Variants in MYBPC1 observed in about 807,000 individuals in gnomAD.
The protein encoded by MYBPC1 is myosin binding protein C1.
A neutral mutation model predicts 147.1 loss-of-function variants in MYBPC1; 52 were observed. The ratio of observed to expected loss-of-function variants is 0.35; its 90% CI spans 0.28 to 0.45. The LOEUF is 0.45. Ranked by LOEUF, MYBPC1 falls within the 20% of genes least tolerant of loss-of-function variation. MYBPC1 has a pLI of 1.00. For missense variants in MYBPC1, 1,228 were observed against 1,440.3 expected (o/e 0.85, Z 2.39); for synonymous variants, 477 against 475.9 (o/e 1.00, Z -0.03).
chr12:101,653,276 A>G (rs756922088), intron 18 of MYBPC1, 28 bp downstream of exon 18: 6 of 1,611,896 alleles, frequency 3.7e-6, no homozygotes, highest in Non-Finnish European at 5.1e-6. Flanking sequence ...ACACACTCAC[A>G]TGCACACACA....
intron 25 of MYBPC1, among the ~76,000 whole-genome samples, chr12:101,674,054 A>C (rs1226192155): frequency 6.6e-6 from 1 of 152,144 alleles, no homozygotes; most frequent in Non-Finnish European, 1.5e-5. Context: ...CTCTGTCTCC[A>C]AAAAAAGGAC....
intron 1 of MYBPC1, among the ~76,000 whole-genome samples, chr12:101,596,801 A>G (rs920980830): frequency 1.4e-4 from 21 of 152,176 alleles, no homozygotes; most frequent in African/African-American, 4.8e-4. Flanking sequence ...CTTTCTGAAT[A>G]AAACAGCATG....
In MYBPC1 at chr12:101,675,438, T is replaced by A. The variant is rs1899737472; in HGVS notation, c.2949+7T>A. 6.2e-7 allele frequency: 1 copy of A among 1,613,908 alleles called. No homozygotes were observed. Among genetic ancestry groups the A allele is most frequent in the South Asian group, 1.1e-5 (1 of 91,084 alleles). ...GGCTGACAAGAAGAGCATGGTAAGG[T>A]CTGGCTTTCTCTGGTTCATCAGTAG... On this transcript the variant is annotated splice_region_variant and intron_variant, in intron 26 of 31. Coordinates refer to ENST00000361466, the MANE Select transcript of MYBPC1 (RefSeq NM_002465.4).
chr12:101,677,436 A>G (rs1279743445), intron 27 of MYBPC1, 42 bp downstream of exon 27: 3 of 1,610,350 alleles, frequency 1.9e-6, no homozygotes, highest in Non-Finnish European at 2.5e-6. Flanking sequence ...CTTGGTTGAC[A>G]GTGACCAGAC....
intron 23 of MYBPC1, among the ~76,000 whole-genome samples, chr12:101,668,894 C>T (rs890845579): frequency 1.3e-5 from 2 of 152,054 alleles, no homozygotes; most frequent in African/African-American, 4.8e-5. Flanking sequence ...TGAGACCAGC[C>T]TGGGGAACAT....
At chr12:101,636,770 T>C in intron 10 of MYBPC1, 42 bp downstream of exon 10, 1 of 1,528,702 alleles carries the variant, frequency 6.5e-7, no homozygotes, top group African/African-American at 1.4e-5. Context: ...GGCCTGGAAG[T>C]CTTTCAGACA....
chr12:101,635,170 C>T (rs1296415709), intron 9 of MYBPC1, among the ~76,000 whole-genome samples: 1 of 152,086 alleles, frequency 6.6e-6, no homozygotes, highest in South Asian at 2.1e-4. Context: ...TTTGCAATTA[C>T]CAAGGCTGAA....
chr12:101,667,650 T>G, intron 22 of MYBPC1, 82 bp from the exon 23 acceptor site: 2 of 1,493,924 alleles, frequency 1.3e-6, no homozygotes, highest in South Asian at 2.3e-5. Context: ...AATACTAATT[T>G]GGAGTTGACT....
chr12:101,609,657 T>G (rs148507587), intron 1 of MYBPC1, among the ~76,000 whole-genome samples: 8 of 152,302 alleles, frequency 5.3e-5, no homozygotes, highest in Non-Finnish European at 8.8e-5. Context: ...TACTGCAGTT[T>G]GAGAAGTTCT....
At chr12:101,669,954 AAC>A in intron 23 of MYBPC1, 4 of 344,740 alleles carry the variant, frequency 1.2e-5, no homozygotes, top group South Asian at 2.4e-5. Context: ...AAAAAAAAGA[AAC>A]TATGAAAAGT....
At chr12:101,640,325 C>T (rs1891785790) in intron 10 of MYBPC1, among the ~76,000 whole-genome samples, 1 of 152,048 alleles carries the variant, frequency 6.6e-6, no homozygotes, top group Non-Finnish European at 1.5e-5. Context: ...ACATATACAT[C>T]ATAATTGTGA....
intron 1 of MYBPC1, among the ~76,000 whole-genome samples, chr12:101,605,369 T>A (rs561680560): frequency 1.3e-4 from 20 of 152,218 alleles, no homozygotes; most frequent in Non-Finnish European, 2.2e-4. Context: ...ATGCACAAAA[T>A]CTTTTTCCAA....
downstream of MYBPC1, among the ~76,000 whole-genome samples, chr12:101,690,622 A>G (rs1951398948): frequency 6.6e-6 from 1 of 152,260 alleles, no homozygotes; most frequent in East Asian, 1.9e-4. Flanking sequence ...ATTAAAGGGT[A>G]TAAACAAGAC....
intron 22 of MYBPC1, chr12:101,664,381 T>C (rs1897085962): frequency 6.6e-6 from 1 of 152,202 alleles, no homozygotes; most frequent in Non-Finnish European, 1.5e-5. Flanking sequence ...TTCTAGATGC[T>C]GGTAGGTAAA....
At chr12:101,602,465 C>T (rs762572886) in intron 1 of MYBPC1, among the ~76,000 whole-genome samples, 2 of 152,208 alleles carry the variant, frequency 1.3e-5, no homozygotes, top group African/African-American at 2.4e-5. Flanking sequence ...GATCCACCTG[C>T]CTCGGCCTCC....
At position 101,648,626 on chromosome 12, in the gene MYBPC1, AT is replaced by A. The variant is rs1893733296; in HGVS notation, c.1196+481del. On this transcript the variant is annotated intron_variant, in intron 14 of 31. Coordinates refer to ENST00000361466, the MANE Select transcript of MYBPC1 (RefSeq NM_002465.4). The stretch of plus-strand genomic sequence containing the variant: ...TTCTATTTGATTTCTATTTGCAATG[AT>A]TTTTAAGTACATATTTACATGTGTT... Among the ~76,000 whole-genome samples the A allele has an allele frequency of 2.6e-5, 4 of 152,292 alleles. No homozygotes were observed. The South Asian group carries it at 8.3e-4, about 32-fold the overall frequency.
intron 25 of MYBPC1, 132 bp from the exon 26 acceptor site, chr12:101,675,160 C>T (rs1270962631): frequency 8.0e-7 from 1 of 1,249,582 alleles, no homozygotes; most frequent in Non-Finnish European, 1.1e-6. Context: ...TCTCAGAAGC[C>T]CCCATGGTAG....
chr12:101,661,102 T>C (rs1278926351), intron 19 of MYBPC1, 56 bp from the exon 20 acceptor site: 1 of 1,167,952 alleles, frequency 8.6e-7, no homozygotes, highest in Non-Finnish European at 1.3e-6. Flanking sequence ...CTATTAACTT[T>C]TTTTTTCTAC....
rs151310085 is a variant in MYBPC1, at chr12:101,673,497, G to T, written c.2684G>T (p.Arg895Leu). ...AEIDKNQINI[R>L]NSETDTIIFI... ...ATTGATAAGAATCAAATAAACATTCGCAACTCTGAGACTGATACAATCATA... is the reference window on the plus strand; with the variant it reads ...ATTGATAAGAATCAAATAAACATTCTCAACTCTGAGACTGATACAATCATA... Residue 895 changes from arginine (R) to leucine (L), a missense_variant, in exon 25 of 32, where the codon CGC (arginine) becomes CTC (leucine). This residue lies in a region of MYBPC1 where 1,077 missense variants were observed against 1,314.2 expected (regional missense o/e 0.82). Transcript: ENST00000361466. The T allele has an allele frequency of 3.1e-6, 5 of 1,613,992 alleles. No homozygotes were observed. The African/African-American group carries it at 4.0e-5, about 13-fold the overall frequency.
Sources: allele counts gnomAD v4.1 joint callset (sites outside exome capture counted in the v4.1 genomes callset), GRCh38; gene constraint gnomAD v4.1.1; regional missense constraint gnomAD v4.1.1; transcripts MANE v1.5; gene names NCBI Gene and HGNC (gene_info 2026-07-23, HGNC 2026-07-21).